The following TDRD1 variants were observed in gnomAD, a reference collection of about 807,000 sequenced individuals.
TDRD1 encodes the protein tudor domain containing 1.
In TDRD1, 37 loss-of-function variants were observed where a neutral mutation model predicts 140.6. That is an observed-to-expected ratio of 0.26 (90% CI 0.20 to 0.35). The LOEUF is 0.35. Ranked by LOEUF, TDRD1 falls within the 10% of genes least tolerant of loss-of-function variation. TDRD1 has a pLI of 1.00. For synonymous variants in TDRD1, 506 were observed against 475.7 expected (o/e 1.06, Z -0.83); for missense variants, 1,243 against 1,393.0 (o/e 0.89, Z 1.71).
At chr10:114,177,952 T>G (rs1274591996), upstream of TDRD1, among the ~76,000 whole-genome samples, 1 of 151,656 alleles carries the variant, frequency 6.6e-6, no homozygotes, top group Non-Finnish European at 1.5e-5. Context: ...CCTGCCTTAG[T>G]TTCCCAAGTA....
At chr10:114,227,787 T>C in intron 23 of TDRD1, 123 bp from the exon 24 acceptor site, 1 of 723,718 alleles carries the variant, frequency 1.4e-6, no homozygotes, top group Non-Finnish European at 2.4e-6. Flanking sequence ...AATGGATCCA[T>C]CCAGGTCTTT....
intron 25 of TDRD1, among the ~76,000 whole-genome samples, chr10:114,231,008 A>G (rs772577805): frequency 1.1e-4 from 17 of 152,228 alleles, no homozygotes; most frequent in Non-Finnish European, 2.1e-4. Context: ...CGAAGGTTGC[A>G]GTGAGCCGAG....
At chr10:114,205,325 C>T (rs116961560) in intron 10 of TDRD1, among the ~76,000 whole-genome samples, 350 of 152,300 alleles carry the variant, frequency 2.3e-3, no homozygotes, top group Non-Finnish European at 4.4e-3. Flanking sequence ...TGGCCTTTCA[C>T]CTGTTTGATA....
At chr10:114,232,666 A>G (rs2036818748), downstream of TDRD1, among the ~76,000 whole-genome samples, 1 of 151,860 alleles carries the variant, frequency 6.6e-6, no homozygotes, top group Non-Finnish European at 1.5e-5. Flanking sequence ...TCACTTCCCA[A>G]CCAGCTTTCT....
intron 2 of TDRD1, among the ~76,000 whole-genome samples, chr10:114,188,542 T>G (rs529576815): frequency 3.9e-4 from 60 of 152,324 alleles, no homozygotes; most frequent in Admixed American, 6.5e-4. Flanking sequence ...ATTTATTTTA[T>G]CATTCCTTTA....
At chr10:114,227,940 C>T (rs776643749) in exon 24 of TDRD1, 1 of 1,613,712 alleles carries the variant, frequency 6.2e-7, no homozygotes, top group Non-Finnish European at 8.5e-7. Flanking sequence ...TGCTGCTGCA[C>T]AGAGTTACAG....
chr10:114,189,199 A>G (rs2033779482), intron 2 of TDRD1, among the ~76,000 whole-genome samples: 1 of 152,268 alleles, frequency 6.6e-6, no homozygotes, highest in Admixed American at 6.5e-5. Context: ...TTGATTGAGC[A>G]GTAAAAAGTA....
upstream of TDRD1, among the ~76,000 whole-genome samples, chr10:114,177,530 A>C (rs1023672561): frequency 6.6e-6 from 1 of 152,248 alleles, no homozygotes; most frequent in African/African-American, 2.4e-5. Flanking sequence ...GTACTCCTGG[A>C]AACTTGACAT....
At chr10:114,192,876 T>C (rs1397174556) in intron 3 of TDRD1, among the ~76,000 whole-genome samples, 1 of 152,192 alleles carries the variant, frequency 6.6e-6, no homozygotes, top group East Asian at 1.9e-4. Context: ...TTGGGAAAAG[T>C]GATTCCTTTT....
At chr10:114,175,179 A>G (rs1201656068), upstream of TDRD1, among the ~76,000 whole-genome samples, 5 of 152,206 alleles carry the variant, frequency 3.3e-5, no homozygotes, top group African/African-American at 9.7e-5. Context: ...TAGAAAATAA[A>G]TGATTTGACT....
chr10:114,217,113 T>G (rs1300271727), intron 16 of TDRD1, among the ~76,000 whole-genome samples: 1 of 152,234 alleles, frequency 6.6e-6, no homozygotes, highest in Non-Finnish European at 1.5e-5. Context: ...AAATGTGATG[T>G]ACTTTGTATT....
At chr10:114,203,949 A>G in intron 8 of TDRD1, 124 bp from the exon 9 acceptor site, 1 of 1,146,616 alleles carries the variant, frequency 8.7e-7, no homozygotes, top group Non-Finnish European at 1.2e-6. Context: ...AAGTTGGCTT[A>G]TTAATTGAGT....
chr10:114,204,253 C>T (rs767751913), intron 9 of TDRD1, 37 bp downstream of exon 9: 3 of 1,553,414 alleles, frequency 1.9e-6, no homozygotes, highest in Admixed American at 2.3e-5. Context: ...TTAATAGTGT[C>T]CCAAAGGAGC....
chr10:114,206,257 C>T, exon 11 of TDRD1: 3 of 1,613,140 alleles, frequency 1.9e-6, no homozygotes, highest in Non-Finnish European at 2.5e-6. Flanking sequence ...AACTTTTAGA[C>T]CATGTGCTTA....
At chr10:114,186,166 C>G (rs2033505490) in intron 1 of TDRD1, among the ~76,000 whole-genome samples, 1 of 151,976 alleles carries the variant, frequency 6.6e-6, no homozygotes, top group Non-Finnish European at 1.5e-5. Flanking sequence ...TTCTGTTTGT[C>G]TGGGAGTTAC....
intron 3 of TDRD1, among the ~76,000 whole-genome samples, chr10:114,198,403 C>A (rs2034513205): frequency 1.3e-5 from 2 of 152,168 alleles, no homozygotes; most frequent in African/African-American, 2.4e-5. Context: ...CCTCCCACTT[C>A]AGGGATAAAG....
exon 1 of TDRD1, chr10:114,179,324 T>A (rs1266564125): frequency 6.6e-6 from 1 of 152,618 alleles, no homozygotes; most frequent in East Asian, 1.9e-4. Flanking sequence ...GCAGGGCGCA[T>A]CCCAGGCGGC....
chr10:114,212,222 C>T (rs552217923), intron 14 of TDRD1, among the ~76,000 whole-genome samples, 186 bp downstream of exon 14: 1 of 152,276 alleles, frequency 6.6e-6, no homozygotes, highest in South Asian at 2.1e-4. Context: ...TAGTTGGCTT[C>T]ATTCAAACGT....
At chr10:114,198,058 T>C (rs1453558737) in intron 3 of TDRD1, among the ~76,000 whole-genome samples, 1 of 152,156 alleles carries the variant, frequency 6.6e-6, no homozygotes, top group African/African-American at 2.4e-5. Flanking sequence ...CCAGGTTCCC[T>C]ACTCAGCCTC....
Sources: gnomAD v4.1 joint callset for allele counts (sites outside exome capture counted in the v4.1 genomes callset) on GRCh38, gnomAD v4.1.1 for gene constraint, MANE v1.5 for transcripts, NCBI Gene and HGNC (gene_info 2026-07-23, HGNC 2026-07-21) for gene names.